Variants in PCDHA2 observed in about 807,000 individuals in gnomAD.
The protein encoded by PCDHA2 is protocadherin alpha-2.
PCDHA2 carries 58 observed loss-of-function variants against 66.0 expected under a neutral mutation model. The observed-to-expected ratio is 0.88, with a 90% CI of 0.71 to 1.09. PCDHA2 has a LOEUF of 1.09. PCDHA2 is among the 50% of genes least tolerant of loss of function. PCDHA2 has a pLI of 0.00. For synonymous variants in PCDHA2, 634 were observed against 554.0 expected, an observed-to-expected ratio of 1.14 and a Z score of -2.03; for missense variants, 1,267 against 1,242.3, an observed-to-expected ratio of 1.02 and a Z score of -0.30.
chr5:140,871,823 C>T (rs900166925), intron 1 of PCDHA2, among the ~76,000 whole-genome samples: 1 of 152,144 alleles, frequency 6.6e-6, no homozygotes, highest in African/African-American at 2.4e-5. Context: ...TACCCATGCC[C>T]CTTCATCTCT....
intron 1 of PCDHA2, among the ~76,000 whole-genome samples, chr5:140,939,903 C>T (rs782506444): frequency 6.6e-6 from 1 of 152,046 alleles, no homozygotes; most frequent in African/African-American, 2.4e-5. Flanking sequence ...ATTCTGCATT[C>T]TTTTTTATTC....
intron 1 of PCDHA2, chr5:140,882,678 A>G: frequency 6.2e-7 from 1 of 1,614,250 alleles, no homozygotes; most frequent in East Asian, 2.2e-5. Flanking sequence ...CCTGAAAGCA[A>G]GAAACGAATA....
At chr5:140,805,063 T>C (rs2149982428) in intron 1 of PCDHA2, 2 of 1,593,126 alleles carry the variant, frequency 1.3e-6, no homozygotes, top group Non-Finnish European at 1.7e-6. Flanking sequence ...TTCCCAGATA[T>C]GGAACTTCAA....
At chr5:140,852,582 AT>A (rs2150518947) in intron 1 of PCDHA2, 40,508 of 639,920 alleles carry the variant, frequency 0.063, 8 homozygotes, top group South Asian at 0.073. Flanking sequence ...AGGCTTTTTT[AT>A]TTTTTTTTTT....
At chr5:140,803,220 G>C (rs782463768) in intron 1 of PCDHA2, 4 of 1,613,816 alleles carry the variant, frequency 2.5e-6, no homozygotes, top group Non-Finnish European at 3.4e-6. Context: ...GAGTGGCCAG[G>C]CACCCAAGGC....
intron 1 of PCDHA2, among the ~76,000 whole-genome samples, chr5:140,873,187 T>C (rs1169831538): frequency 6.6e-6 from 1 of 152,214 alleles, no homozygotes; most frequent in Non-Finnish European, 1.5e-5. Context: ...ATAATATTCA[T>C]TGGCTAAAAA....
At position 140,795,277 on chromosome 5, in the gene PCDHA2, C is replaced by T; in HGVS notation, c.313C>T (p.His105Tyr). The change falls in exon 1 of 4, where the codon CAC becomes TAC. Residue 105 changes from histidine (H) to tyrosine (Y), a missense_variant. Transcript: ENST00000526136. ...LCGRSAECSIHVEVIVDRPLQ... is the reference protein window; with the variant it reads ...LCGRSAECSIYVEVIVDRPLQ... The stretch of plus-strand genomic sequence containing the variant: ...CGGGCGGAGCGCGGAATGTAGCATC[C>T]ACGTGGAGGTGATCGTGGACAGGCC... 6.2e-7 allele frequency: 1 copy of T among 1,614,244 alleles called. No homozygotes were observed. The highest frequency in any genetic ancestry group is 8.5e-7 in the Non-Finnish European group (1 of 1,180,040).
At chr5:140,857,412 C>G (rs782751627) in intron 1 of PCDHA2, 1 of 1,598,338 alleles carries the variant, frequency 6.3e-7, no homozygotes, top group Admixed American at 1.7e-5. Context: ...CCTGCGTTCG[C>G]GCAGTCCGAG....
chr5:140,993,460 T>TCACACACA (rs1554253699), intron 3 of PCDHA2, among the ~76,000 whole-genome samples: 14 of 104,506 alleles, frequency 1.3e-4, no homozygotes, highest in African/African-American at 2.4e-4. Flanking sequence ...CTTCTTTCTT[T>TCACACACA]CTCACACACA....
intron 1 of PCDHA2, among the ~76,000 whole-genome samples, chr5:140,911,327 C>T (rs2153517846): frequency 6.6e-6 from 1 of 152,324 alleles, no homozygotes; most frequent in South Asian, 2.1e-4. Context: ...GGATCCCATT[C>T]TTTTCCAATC....
chr5:140,961,338 G>C (rs1554225370), intron 1 of PCDHA2, among the ~76,000 whole-genome samples: 1 of 152,170 alleles, frequency 6.6e-6, no homozygotes, highest in Non-Finnish European at 1.5e-5. Flanking sequence ...GAGACCAAGA[G>C]TGGATCCCTG....
intron 1 of PCDHA2, among the ~76,000 whole-genome samples, chr5:140,905,257 C>T (rs920530176): frequency 6.6e-6 from 1 of 152,168 alleles, no homozygotes; most frequent in African/African-American, 2.4e-5. Context: ...CCACATGAGG[C>T]TTGGCAGTTA....
Position 141,000,369 on chromosome 5 carries a change from C to CTG in PCDHA2, c.2537-9257_2537-9256insGT, listed in dbSNP as rs1469177188. On this transcript the variant is annotated intron_variant, in intron 3 of 3. Coordinates refer to ENST00000526136, the MANE Select transcript of PCDHA2 (RefSeq NM_018905.3). ...TCTCTCTGTCTCTCTCTGTCTCTCT[C>CTG]TCTCTCTCTCTCTCTCTCTCTCTCT... Among the ~76,000 whole-genome samples, 12 of 35,276 alleles carry CTG rather than the reference C, an allele frequency of 3.4e-4. No individual in the cohort carries two copies. In the East Asian group the frequency reaches 5.7e-3, roughly 17 times the overall value. The allele number at this position is 35,276 out of a possible 152,430, so 23.1% of individuals were successfully genotyped here.
intron 1 of PCDHA2, among the ~76,000 whole-genome samples, chr5:140,950,750 C>T (rs1320735521): frequency 3.3e-5 from 5 of 151,928 alleles, no homozygotes; most frequent in Non-Finnish European, 7.4e-5. Flanking sequence ...TCTCTCTATC[C>T]TTTCTGGACT....
At chr5:140,823,251 G>C (rs781822004) in intron 1 of PCDHA2, 2 of 1,613,318 alleles carry the variant, frequency 1.2e-6, no homozygotes, top group Non-Finnish European at 1.7e-6. Context: ...TGTCCTACTC[G>C]CTGGTGGAGC....
At chr5:140,871,275 A>C in intron 1 of PCDHA2, 3 of 1,613,900 alleles carry the variant, frequency 1.9e-6, no homozygotes, top group Non-Finnish European at 2.5e-6. Flanking sequence ...GGTGGTCGGC[A>C]ACGCCCACTG....
chr5:140,929,143 T>C (rs2085863317), intron 1 of PCDHA2: 1 of 1,614,234 alleles, frequency 6.2e-7, no homozygotes, highest in Non-Finnish European at 8.5e-7. Context: ...TGAGAGACTT[T>C]CTCAGACTTA....
chr5:140,819,189 C>T (rs1290889334), intron 1 of PCDHA2, among the ~76,000 whole-genome samples: 1 of 152,108 alleles, frequency 6.6e-6, no homozygotes, highest in African/African-American at 2.4e-5. Context: ...GACATATGTG[C>T]ATAAATTATT....
At chr5:140,797,891 C>T (rs1762276987) in intron 1 of PCDHA2, among the ~76,000 whole-genome samples, 1 of 152,078 alleles carries the variant, frequency 6.6e-6, no homozygotes, top group South Asian at 2.1e-4. Flanking sequence ...CTTGCTCTGT[C>T]ACCTAGGCTG....
Sources: gnomAD v4.1 joint callset for allele counts (sites outside exome capture counted in the v4.1 genomes callset) on GRCh38, gnomAD v4.1.1 for gene constraint, MANE v1.5 for transcripts, NCBI Gene and HGNC (gene_info 2026-07-23, HGNC 2026-07-21) for gene names.